Variants in PIEZO2 observed in about 807,000 individuals in gnomAD.
PIEZO2 encodes piezo type mechanosensitive ion channel component 2.
In PIEZO2, 172 loss-of-function variants were observed where a neutral mutation model predicts 337.3. That is an observed-to-expected ratio of 0.51 (90% CI 0.45 to 0.58). The LOEUF is 0.58. PIEZO2 is among the 20% of genes least tolerant of loss of function. The probability of loss-of-function intolerance (pLI) is 0.00; values close to 1 mark genes in which losing one functional copy is unlikely to be tolerated. For missense variants in PIEZO2, 3,028 were observed against 3,391.3 expected, an observed-to-expected ratio of 0.89 and a Z score of 2.66; for synonymous variants, 1,251 against 1,228.5, an observed-to-expected ratio of 1.02 and a Z score of -0.38.
At chr18:10,780,248 T>G in intron 18 of PIEZO2, 77 bp downstream of exon 18, 1 of 698,632 alleles carries the variant, frequency 1.4e-6, no homozygotes, top group Middle Eastern at 2.3e-4. Context: ...GATTTTCATG[T>G]ATAAAGCAGT....
Position 10,748,403 on chromosome 18 carries a change from A to G in PIEZO2, c.4424+68T>C. The stretch of plus-strand genomic sequence containing the variant: ...GTTCTAGAAGCAAGCTCAGACAGAA[A>G]TGATAGTGCAATATTATTTCAGGCA... On this transcript the variant is annotated intron_variant, in intron 30 of 55. Coordinates refer to ENST00000674853, the MANE Select transcript of PIEZO2 (RefSeq NM_001378183.1). This position sits in a 1 kb window ranked among gnomAD's most constrained non-coding sequence, Gnocchi z 5.1. 1.4e-6 allele frequency: 2 copies of G among 1,437,984 alleles called. No homozygotes were observed. Among genetic ancestry groups the G allele is most frequent in the Non-Finnish European group, 1.9e-6 (2 of 1,066,114 alleles). The allele number at this position is 1,437,984 out of a possible 1,614,324, so 89.1% of individuals were successfully genotyped here.
At chr18:10,860,069 G>GA (rs1484200614) in intron 5 of PIEZO2, among the ~76,000 whole-genome samples, 2 of 152,176 alleles carry the variant, frequency 1.3e-5, no homozygotes, top group African/African-American at 2.4e-5. Flanking sequence ...TTTCTGTTTT[G>GA]AAAATTCAGT....
chr18:10,726,340 C>T lies in PIEZO2; in HGVS notation c.5029+5067G>A. 8 of 1,476,154 alleles carry T rather than the reference C, an allele frequency of 5.4e-6. No individual in the cohort carries two copies. The highest frequency in any genetic ancestry group is 5.4e-6 in the Non-Finnish European group (6 of 1,107,988). 91.4% of individuals were successfully genotyped at this position (1,476,154 alleles called of 1,614,324 possible). A position where few individuals can be genotyped will look rare whatever the true frequency, so the allele number is the denominator to read the frequency against. ...GTGGGTCCCCGAACGCCCCGCCCAG[C>T]GCTGCCTCCCTTCGCCTTCCCCGCA... On this transcript the variant is annotated intron_variant, in intron 36 of 55. Transcript: ENST00000674853. The surrounding 1 kb of genome is among the most constrained non-coding windows in gnomAD (Gnocchi z 5.9).
chr18:11,118,769 C>G (rs1408940312), intron 1 of PIEZO2, among the ~76,000 whole-genome samples: 1 of 141,032 alleles, frequency 7.1e-6, no homozygotes. Flanking sequence ...GAAAAAAAAA[C>G]AGAGAGAGAG....
intron 1 of PIEZO2, among the ~76,000 whole-genome samples, chr18:11,103,351 C>G (rs1241587587): frequency 6.6e-6 from 1 of 152,190 alleles, no homozygotes; most frequent in Non-Finnish European, 1.5e-5. Flanking sequence ...GCTAGGATTA[C>G]AGGCAAGATT....
intron 12 of PIEZO2, among the ~76,000 whole-genome samples, chr18:10,796,529 C>A (rs1225632169): frequency 6.6e-6 from 1 of 152,138 alleles, no homozygotes; most frequent in Non-Finnish European, 1.5e-5. Flanking sequence ...TATGTCCTCT[C>A]AAATTGGCAA....
At position 10,856,327 on chromosome 18, in the gene PIEZO2, A is replaced by C. The variant is rs1213194046; in HGVS notation, c.703+674T>G. 6.6e-6 allele frequency among the ~76,000 whole-genome samples: 1 copy of C among 152,214 alleles called. No individual in the cohort carries two copies. The highest frequency in any genetic ancestry group is 1.5e-5 in the Non-Finnish European group (1 of 68,030). On this transcript the variant is annotated intron_variant, in intron 6 of 55. Coordinates refer to ENST00000674853, the MANE Select transcript of PIEZO2 (RefSeq NM_001378183.1). This position sits in a 1 kb window ranked among gnomAD's most constrained non-coding sequence, Gnocchi z 4.7. ...AATGTTGTGGTTTATTTCTTGAGAA[A>C]TTCTACTGTCATTTCCCCCATTTTT...
chr18:10,924,336 C>A (rs1598697032), intron 3 of PIEZO2, among the ~76,000 whole-genome samples: 3 of 151,954 alleles, frequency 2.0e-5, no homozygotes, highest in African/African-American at 7.2e-5. Flanking sequence ...CTGAAATTAT[C>A]CTAGGGGAAA....
At chr18:11,054,100 T>C (rs2037633135) in intron 2 of PIEZO2, among the ~76,000 whole-genome samples, 2 of 152,244 alleles carry the variant, frequency 1.3e-5, no homozygotes. Context: ...ACGTTAATTA[T>C]ACATTAGTTA....
At chr18:10,885,082 C>T (rs1242961666) in intron 4 of PIEZO2, among the ~76,000 whole-genome samples, 4 of 152,012 alleles carry the variant, frequency 2.6e-5, no homozygotes, top group Non-Finnish European at 5.9e-5. Flanking sequence ...AATACATTCC[C>T]GAAAAACAGA....
At position 10,857,989 on chromosome 18, in the gene PIEZO2, T is replaced by TTTTCTTTC. The variant is rs1185961096; in HGVS notation, c.493-786_493-779dup. ...CCTAGAAGGGTTACGACTTTTTCTT[T>TTTTCTTTC]TTTCTTTCTTTCTTTCTTTTTTTTT... is the stretch of plus-strand genomic sequence containing the variant. On this transcript the variant is annotated intron_variant, in intron 5 of 55. Transcript: ENST00000674853. Among the ~76,000 whole-genome samples the TTTTCTTTC allele has an allele frequency of 5.6e-3, 831 of 149,458 alleles. 11 individuals carry two copies. Among genetic ancestry groups the TTTTCTTTC allele is most frequent in the African/African-American group, 0.02 (789 of 40,070 alleles).
At position 10,834,162 on chromosome 18, in the gene PIEZO2, T is replaced by C. The variant is rs1484870420; in HGVS notation, c.917+21191A>G. 2.6e-5 allele frequency among the ~76,000 whole-genome samples: 4 copies of C among 152,232 alleles called. No individual in the cohort carries two copies. In the East Asian group the frequency reaches 7.7e-4, roughly 29 times the overall value. ...AGTTCCTTGTGTTAGGAACATTCCA[T>C]TTCCACTCTCAGTTATTTTAAAATA... On this transcript the variant is annotated intron_variant, in intron 7 of 55. Transcript: ENST00000674853. This position sits in a 1 kb window ranked among gnomAD's most constrained non-coding sequence, Gnocchi z 4.5.
chr18:10,960,224 A>G (rs1250696335), intron 3 of PIEZO2, among the ~76,000 whole-genome samples: 1 of 152,152 alleles, frequency 6.6e-6, no homozygotes, highest in Non-Finnish European at 1.5e-5. Context: ...ATTCAACCAA[A>G]TATTCTAGAA....
At chr18:11,145,897 T>C (rs2040797535) in intron 1 of PIEZO2, among the ~76,000 whole-genome samples, 1 of 152,162 alleles carries the variant, frequency 6.6e-6, no homozygotes, top group African/African-American at 2.4e-5. Flanking sequence ...CAGGGGCCAG[T>C]CCACCTCCTC....
chr18:10,768,488 G>C (rs1423093979), intron 21 of PIEZO2, among the ~76,000 whole-genome samples: 1 of 152,218 alleles, frequency 6.6e-6, no homozygotes, highest in East Asian at 1.9e-4. Context: ...CCCCATGCAG[G>C]TGGGGTGACA....
chr18:10,671,704 G>C lies in PIEZO2; in HGVS notation c.8421C>G (p.His2807Gln). 2 of 1,613,952 alleles carry C rather than the reference G, an allele frequency of 1.2e-6. No individual in the cohort carries two copies. The highest frequency in any genetic ancestry group is 1.7e-6 in the Non-Finnish European group (2 of 1,179,978). Residue 2807 changes from histidine (H) to glutamine (Q), a missense_variant, in exon 56 of 56, where the codon CAC (histidine) becomes CAG (glutamine). His to Gln is a conservative substitution (Grantham distance 24, BLOSUM62 0). This residue lies in a region of PIEZO2 where 332 missense variants were observed against 363.8 expected (regional missense o/e 0.91). Coordinates refer to ENST00000674853, the MANE Select transcript of PIEZO2 (RefSeq NM_001378183.1). ...FVREFFSGIS[H>Q]SIMFEELPNV... ...TTGGAAGCTCTTCAAACATGATGGAGTGAGAAATCCCACTGAAGAATTCAC... is the reference window on the plus strand; with the variant it reads ...TTGGAAGCTCTTCAAACATGATGGACTGAGAAATCCCACTGAAGAATTCAC...
chr18:11,005,304 G>A (rs371623339), intron 2 of PIEZO2, among the ~76,000 whole-genome samples: 1 of 152,212 alleles, frequency 6.6e-6, no homozygotes, highest in Admixed American at 6.5e-5. Flanking sequence ...ATTTGACCCT[G>A]ATACAAAGTT....
chr18:10,822,684 G>C (rs1214122438), intron 7 of PIEZO2, among the ~76,000 whole-genome samples: 1 of 152,114 alleles, frequency 6.6e-6, no homozygotes, highest in East Asian at 1.9e-4. Flanking sequence ...AGCAGGAGCC[G>C]GCTCACCACA....
At position 11,017,398 on chromosome 18, in the gene PIEZO2, G is replaced by T. The variant is rs765497073; in HGVS notation, c.161-37738C>A. On this transcript the variant is annotated intron_variant, in intron 2 of 55. Transcript: ENST00000674853. ...TTTAATACTCTAAATAACCACAAAT[G>T]ACTTGCACCATAAAACATTTCATTA... 3.7e-4 allele frequency among the ~76,000 whole-genome samples: 56 copies of T among 150,980 alleles called. 1 individual carries two copies. Among genetic ancestry groups the T allele is most frequent in the Non-Finnish European group, 1.2e-4 (8 of 67,914 alleles).
Sources: allele counts gnomAD v4.1 joint callset (sites outside exome capture counted in the v4.1 genomes callset), GRCh38; gene constraint gnomAD v4.1.1; regional missense constraint gnomAD v4.1.1; non-coding constraint Gnocchi (gnomAD v3.1); transcripts MANE v1.5; gene names NCBI Gene and HGNC (gene_info 2026-07-23, HGNC 2026-07-21).